ALK: variants seen among roughly 807,000 people sequenced by gnomAD.
The protein encoded by ALK is ALK tyrosine kinase receptor.
Under a neutral mutation model 163.1 loss-of-function variants are expected in ALK, and 74 were observed. That is an observed-to-expected ratio of 0.45 (90% CI 0.38 to 0.55). The LOEUF (loss-of-function observed/expected upper bound fraction) is 0.55, where lower values mean the gene tolerates loss of function less well. Ranked by LOEUF, ALK falls within the 20% of genes least tolerant of loss-of-function variation. The pLI is 0.00. For missense variants in ALK, 2,063 were observed against 2,105.3 expected (o/e 0.98, Z 0.39); for synonymous variants, 960 against 843.2 (o/e 1.14, Z -2.40).
intron 4 of ALK, among the ~76,000 whole-genome samples, chr2:29,511,260 C>G (rs1168089481): frequency 6.6e-6 from 1 of 152,068 alleles, no homozygotes; most frequent in East Asian, 1.9e-4. Context: ...TCTCTACCTT[C>G]CAAAAAGTTA....
intron 3 of ALK, among the ~76,000 whole-genome samples, chr2:29,543,896 G>T (rs1185705236): frequency 3.3e-5 from 5 of 152,144 alleles, no homozygotes; most frequent in Admixed American, 3.3e-4. Flanking sequence ...CTTAAAAGAG[G>T]AGACAAATGT....
chr2:29,628,069 G>A (rs1365298563), intron 3 of ALK, among the ~76,000 whole-genome samples: 1 of 152,168 alleles, frequency 6.6e-6, no homozygotes, highest in Non-Finnish European at 1.5e-5. Context: ...AGTAAAGACT[G>A]ATCTTACTTT....
intron 27 of ALK, 114 bp from the exon 28 acceptor site, chr2:29,196,974 C>T (rs2148142334): frequency 9.6e-6 from 8 of 836,652 alleles, no homozygotes; most frequent in Non-Finnish European, 1.4e-5. Context: ...TCGTCTAGGC[C>T]CCGTGTACTT....
intron 1 of ALK, among the ~76,000 whole-genome samples, chr2:29,765,744 T>C (rs116544140): frequency 0.02 from 3,071 of 152,322 alleles, 118 homozygotes; most frequent in African/African-American, 0.071. Flanking sequence ...TGCTCAGGTT[T>C]TTCTCTTAAT....
chr2:29,783,998 A>G (rs72854206), intron 1 of ALK, among the ~76,000 whole-genome samples: 3,322 of 152,282 alleles, frequency 0.022, 122 homozygotes, highest in African/African-American at 0.074. Flanking sequence ...TTCAGCTTTG[A>G]AATGTTGTAA....
chr2:29,728,902 T>C (rs1679654057), intron 1 of ALK, among the ~76,000 whole-genome samples: 1 of 151,932 alleles, frequency 6.6e-6, no homozygotes, highest in African/African-American at 2.4e-5. Flanking sequence ...GCAGAAGGAG[T>C]GACCAGTTCA....
chr2:29,400,547 C>A (rs901509525), intron 4 of ALK, among the ~76,000 whole-genome samples: 1 of 152,180 alleles, frequency 6.6e-6, no homozygotes, highest in Non-Finnish European at 1.5e-5. Context: ...TCTGCTGCCA[C>A]CCAAGAACAA....
intron 4 of ALK, among the ~76,000 whole-genome samples, chr2:29,511,175 A>G (rs1456134261): frequency 6.6e-6 from 1 of 152,112 alleles, no homozygotes; most frequent in Admixed American, 6.5e-5. Context: ...CAGGTTGATG[A>G]GTTTTAATAG....
In ALK at chr2:29,239,823, C is replaced by T. The variant is rs1375509946; in HGVS notation, c.2212G>A (p.Gly738Ser). 6.2e-7 allele frequency: 1 copy of T among 1,613,536 alleles called. No homozygotes were observed. The highest frequency in any genetic ancestry group is 8.5e-7 in the Non-Finnish European group (1 of 1,179,858). ...CCTTTCCCGCCAGCAGCTCCGTAGC[C>T]CGAGATGCTGCAATGGGACAAAGAA... Reference protein sequence around the residue: ...VPATDTYSISGYGAAGGKGGK... With the variant: ...VPATDTYSISSYGAAGGKGGK... Residue 738 changes from glycine (G) to serine (S), a missense_variant, in exon 13 of 29, where the codon GGC (glycine) becomes AGC (serine). Transcript: ENST00000389048.
chr2:29,220,237 G>A lies in ALK; in HGVS notation c.3645+469C>T, dbSNP rs143393846. On this transcript the variant is annotated intron_variant, in intron 23 of 28. Transcript: ENST00000389048. ...TTGCTATTCTCATGATAGTGAGTGAGTTCTCATGAGACCTGGTTGTTTAAA... is the reference window on the plus strand; with the variant it reads ...TTGCTATTCTCATGATAGTGAGTGAATTCTCATGAGACCTGGTTGTTTAAA... 4.2e-4 allele frequency among the ~76,000 whole-genome samples: 64 copies of A among 152,210 alleles called. No homozygotes were observed. In the East Asian group the frequency reaches 0.012, roughly 29 times the overall value.
At chr2:29,707,574 G>C (rs1034475165) in intron 2 of ALK, among the ~76,000 whole-genome samples, 3 of 152,198 alleles carry the variant, frequency 2.0e-5, no homozygotes, top group Non-Finnish European at 1.5e-5. Flanking sequence ...GAACAGAGGA[G>C]GAGATAAGGT....
At chr2:29,239,133 G>A (rs763748438) in intron 13 of ALK, among the ~76,000 whole-genome samples, 1 of 152,108 alleles carries the variant, frequency 6.6e-6, no homozygotes, top group East Asian at 1.9e-4. Context: ...TACTCCTGTC[G>A]TTTCACCTTA....
intron 4 of ALK, among the ~76,000 whole-genome samples, chr2:29,496,724 T>C (rs1672033911): frequency 6.6e-6 from 1 of 152,176 alleles, no homozygotes; most frequent in Admixed American, 6.5e-5. Flanking sequence ...ATATTTGCCA[T>C]GTACACCACC....
intron 3 of ALK, among the ~76,000 whole-genome samples, chr2:29,554,185 T>A (rs1264189587): frequency 6.6e-6 from 1 of 152,232 alleles, no homozygotes; most frequent in African/African-American, 2.4e-5. Context: ...CCTTGCTTTA[T>A]GGATCTTTGG....
At chr2:29,430,518 C>T (rs972095701) in intron 4 of ALK, among the ~76,000 whole-genome samples, 3 of 152,138 alleles carry the variant, frequency 2.0e-5, no homozygotes, top group African/African-American at 4.8e-5. Flanking sequence ...ATAGAAAATA[C>T]GTAACAGATA....
At position 29,192,888 on chromosome 2, in the gene ALK, C is replaced by T. The variant is rs1446132618; in HGVS notation, c.*336G>A. ...CCCCAACTATGAAACATAGAAGCAGCTAATTCTGACTACATTGAAGCAGAG... is the reference window on the plus strand; with the variant it reads ...CCCCAACTATGAAACATAGAAGCAGTTAATTCTGACTACATTGAAGCAGAG... On this transcript the variant is annotated 3_prime_UTR_variant, in exon 29 of 29. Coordinates refer to ENST00000389048, the MANE Select transcript of ALK (RefSeq NM_004304.5). 9 of 423,626 alleles carry T rather than the reference C, an allele frequency of 2.1e-5. No individual in the cohort carries two copies. The highest frequency in any genetic ancestry group is 4.0e-5 in the Non-Finnish European group (9 of 227,780). The allele number at this position is 423,626 out of a possible 1,614,324, so 26.2% of individuals were successfully genotyped here.
chr2:29,286,796 G>A, intron 9 of ALK: 1 of 152,148 alleles, frequency 6.6e-6, no homozygotes, highest in East Asian at 1.9e-4. Flanking sequence ...TGAGTTATGA[G>A]GCTTTGTGGA....
chr2:29,561,077 TA>T (rs1674009480), intron 3 of ALK, among the ~76,000 whole-genome samples: 1 of 152,222 alleles, frequency 6.6e-6, no homozygotes, highest in African/African-American at 2.4e-5. Flanking sequence ...CATGTTGAAA[TA>T]ATATTTTGGC....
At chr2:29,232,551 G>A in intron 14 of ALK, 103 bp from the exon 15 acceptor site, 1 of 1,507,294 alleles carries the variant, frequency 6.6e-7, no homozygotes, top group Non-Finnish European at 9.0e-7. Context: ...TGCTGTTTTG[G>A]GGTGACCTGG....
Sources: allele counts gnomAD v4.1 joint callset (sites outside exome capture counted in the v4.1 genomes callset), GRCh38; gene constraint gnomAD v4.1.1; transcripts MANE v1.5; gene names NCBI Gene and HGNC (gene_info 2026-07-23, HGNC 2026-07-21).